Variants in AEN observed in about 807,000 individuals in gnomAD.
AEN encodes apoptosis-enhancing nuclease.
A neutral mutation model predicts 17.7 loss-of-function variants in AEN; 21 were observed. That is an observed-to-expected ratio of 1.19 (90% CI 0.84 to 1.71). The LOEUF (loss-of-function observed/expected upper bound fraction) is 1.71. AEN is among the 40% of genes most tolerant of loss of function. The probability of loss-of-function intolerance (pLI) is 0.00; values close to 1 mark genes in which losing one functional copy is unlikely to be tolerated. For missense variants in AEN, 462 were observed against 435.9 expected (o/e 1.06, Z -0.53); for synonymous variants, 190 against 173.0 (o/e 1.10, Z -0.77).
chr15:88,605,745 G>A, the AEN span, among the ~76,000 whole-genome samples: 1 of 152,192 alleles, frequency 6.6e-6, no homozygotes, highest in Non-Finnish European at 1.5e-5. The surrounding 1 kb of genome is among the most constrained non-coding windows in gnomAD (Gnocchi z 7.6). Flanking sequence ...CCCGCTTGGA[G>A]TCGGCTCAGA....
chr15:88,620,204 T>C (rs1158502260), upstream of AEN, among the ~76,000 whole-genome samples: 7 of 152,108 alleles, frequency 4.6e-5, no homozygotes, highest in African/African-American at 1.7e-4. Context: ...GAAGTCAGAC[T>C]GCTTAGGTAA....
At chr15:88,609,510 T>G in the AEN span, among the ~76,000 whole-genome samples, 1 of 152,108 alleles carries the variant, frequency 6.6e-6, no homozygotes, top group Non-Finnish European at 1.5e-5. Flanking sequence ...CATCCATTAC[T>G]GTCATGAGGT....
At chr15:88,610,532 A>C in the AEN span, among the ~76,000 whole-genome samples, 1 of 152,054 alleles carries the variant, frequency 6.6e-6, no homozygotes, top group South Asian at 2.1e-4. Context: ...TCTCAGACCC[A>C]TGGCAGAGAT....
chr15:88,617,720 T>C (rs187469964), upstream of AEN, among the ~76,000 whole-genome samples: 621 of 152,138 alleles, frequency 4.1e-3, 4 homozygotes, highest in African/African-American at 0.014. Flanking sequence ...ATAAAACTCA[T>C]GGATTCCCCT....
Position 88,631,100 on chromosome 15 carries a change from A to C in AEN, c.*806A>C, listed in dbSNP as rs756371212. 3 of 456,552 alleles carry C rather than the reference A, an allele frequency of 6.6e-6. No individual in the cohort carries two copies. Among genetic ancestry groups the C allele is most frequent in the South Asian group, 1.5e-5 (1 of 64,560 alleles). 28.3% of individuals were successfully genotyped at this position (456,552 alleles called of 1,614,324 possible). ...TTTGACCCAAATCAGGGATTTCCCC[A>C]GTCCACCCAGTACTGGGCTCTTAAG... On this transcript the variant is annotated 3_prime_UTR_variant, in exon 4 of 4. Coordinates refer to ENST00000332810, the MANE Select transcript of AEN (RefSeq NM_022767.4).
At chr15:88,616,353 A>G (rs775718600), upstream of AEN, among the ~76,000 whole-genome samples, 3 of 152,050 alleles carry the variant, frequency 2.0e-5, no homozygotes, top group Non-Finnish European at 2.9e-5. Context: ...CTGCTTCCCA[A>G]AGTGTTGGGA....
At chr15:88,619,478 G>C (rs112248718), upstream of AEN, among the ~76,000 whole-genome samples, 1 of 151,920 alleles carries the variant, frequency 6.6e-6, no homozygotes, top group Non-Finnish European at 1.5e-5. Context: ...TCACGAGGTC[G>C]GGAGTTCGAG....
upstream of AEN, among the ~76,000 whole-genome samples, chr15:88,620,684 A>G (rs1447121479): frequency 6.6e-6 from 1 of 152,100 alleles, no homozygotes; most frequent in African/African-American, 2.4e-5. Context: ...CTGGGATTAC[A>G]GTCGTGAGCC....
chr15:88,618,988 G>T (rs1259030286), upstream of AEN, among the ~76,000 whole-genome samples: 6 of 152,070 alleles, frequency 3.9e-5, no homozygotes, highest in African/African-American at 1.4e-4. Context: ...GTGAAGACAG[G>T]ATCTTGCTAT....
the AEN span, among the ~76,000 whole-genome samples, chr15:88,609,153 C>A: frequency 9.9e-5 from 15 of 152,226 alleles, no homozygotes; most frequent in African/African-American, 3.6e-4. Flanking sequence ...CTATCAAGAG[C>A]CATATTCTTT....
chr15:88,605,968 G>A, the AEN span, among the ~76,000 whole-genome samples: 17 of 152,352 alleles, frequency 1.1e-4, 1 homozygote, highest in East Asian at 3.3e-3. This position sits in a 1 kb window ranked among gnomAD's most constrained non-coding sequence, Gnocchi z 7.6. Flanking sequence ...GAAGAAAGCG[G>A]GACTCATCTT....
chr15:88,613,552 G>A, the AEN span, among the ~76,000 whole-genome samples: 8 of 151,550 alleles, frequency 5.3e-5, no homozygotes, highest in South Asian at 4.2e-4. Flanking sequence ...GAGATGGAAC[G>A]GGGAGAGATT....
At position 88,630,066 on chromosome 15, in the gene AEN, G is replaced by A; in HGVS notation, c.750G>A (p.Gln250=). Residue 250 remains glutamine (Q), a synonymous_variant, in exon 4 of 4, where the codon CAG becomes CAA. Coordinates refer to ENST00000332810, the MANE Select transcript of AEN (RefSeq NM_022767.4). The surrounding 1 kb of genome is among the most constrained non-coding windows in gnomAD (Gnocchi z 5.1). ...TTGGCTCTCGTCAGTAGGTGGGCCA[G>A]CACGGGCACTCATCAGTAGAAGATG... ...QLLHKKIQVG[Q]HGHSSVEDAT... 1.2e-6 allele frequency: 2 copies of A among 1,614,078 alleles called. No individual in the cohort carries two copies. The highest frequency in any genetic ancestry group is 1.7e-6 in the Non-Finnish European group (2 of 1,180,034).
At chr15:88,608,479 G>C in the AEN span, among the ~76,000 whole-genome samples, 2 of 152,222 alleles carry the variant, frequency 1.3e-5, no homozygotes, top group African/African-American at 4.8e-5. Flanking sequence ...TGAGGGTCCA[G>C]AGAATTTTGT....
chr15:88,623,767 C>A (rs61302831), intron 1 of AEN, among the ~76,000 whole-genome samples: 3,762 of 152,322 alleles, frequency 0.025, 90 homozygotes, highest in African/African-American at 0.059. Flanking sequence ...GAGACCAATT[C>A]AGGGGACACC....
chr15:88,627,946 A>G (rs1022451588), intron 2 of AEN: 44 of 152,140 alleles, frequency 2.9e-4, no homozygotes, highest in African/African-American at 1.0e-3. Flanking sequence ...CAAGGTTGGG[A>G]AATACTGGTG....
chr15:88,620,815 T>C (rs112184218), upstream of AEN, among the ~76,000 whole-genome samples: 50 of 152,322 alleles, frequency 3.3e-4, no homozygotes, highest in African/African-American at 1.2e-3. Context: ...CAAGCCCACG[T>C]AGGAACTTAA....
chr15:88,630,047 C>T lies in AEN; in HGVS notation c.742-11C>T, dbSNP rs755588612. 1.1e-5 allele frequency: 18 copies of T among 1,613,792 alleles called. No individual in the cohort carries two copies. The highest frequency in any genetic ancestry group is 1.5e-5 in the Non-Finnish European group (18 of 1,179,874). On this transcript the variant is annotated splice_polypyrimidine_tract_variant and intron_variant, in intron 3 of 3. Transcript: ENST00000332810. The surrounding 1 kb of genome is among the most constrained non-coding windows in gnomAD (Gnocchi z 5.1). ...GCCTGCAGGCAGTGATGTGTTGGCT[C>T]TCGTCAGTAGGTGGGCCAGCACGGG... is the stretch of plus-strand genomic sequence containing the variant.
At chr15:88,608,490 G>A in the AEN span, among the ~76,000 whole-genome samples, 1 of 152,174 alleles carries the variant, frequency 6.6e-6, no homozygotes, top group African/African-American at 2.4e-5. Flanking sequence ...AGAATTTTGT[G>A]ATTTCCCCTA....
Sources: allele counts gnomAD v4.1 joint callset (sites outside exome capture counted in the v4.1 genomes callset), GRCh38; gene constraint gnomAD v4.1.1; non-coding constraint Gnocchi (gnomAD v3.1); transcripts MANE v1.5; gene names NCBI Gene and HGNC (gene_info 2026-07-23, HGNC 2026-07-21).